ZNF804B: variants seen among roughly 807,000 people sequenced by gnomAD.
ZNF804B encodes the protein zinc finger protein 804B, also known as zinc finger 804B.
Under a neutral mutation model 101.4 loss-of-function variants are expected in ZNF804B, and 80 were observed. The observed-to-expected ratio is 0.79, with a 90% CI of 0.66 to 0.95. ZNF804B has a LOEUF of 0.95. Among genes scored for constraint, ZNF804B ranks in the 40% least tolerant of loss-of-function variants. ZNF804B has a pLI of 0.00. For missense variants in ZNF804B, 1,673 were observed against 1,561.9 expected, an observed-to-expected ratio of 1.07 and a Z score of -1.20; for synonymous variants, 622 against 558.8, an observed-to-expected ratio of 1.11 and a Z score of -1.59.
At chr7:88,871,813 C>A (rs1343837849) in intron 1 of ZNF804B, among the ~76,000 whole-genome samples, 2 of 151,884 alleles carry the variant, frequency 1.3e-5, no homozygotes, top group Non-Finnish European at 2.9e-5. Flanking sequence ...TAAAAAAATA[C>A]AAAAGTTAGC....
At chr7:88,906,246 A>G (rs960652536) in intron 1 of ZNF804B, among the ~76,000 whole-genome samples, 1 of 151,778 alleles carries the variant, frequency 6.6e-6, no homozygotes, top group Non-Finnish European at 1.5e-5. Context: ...GTGAATTTTT[A>G]CATCTCAATT....
In ZNF804B at chr7:88,900,290, G is replaced by A. The variant is rs188887090; in HGVS notation, c.108+140206G>A. ...CTAGGATTTTTAAAAATTGGCAATC[G>A]TTACACATGATGAACTATTCAGACC... On this transcript the variant is annotated intron_variant, in intron 1 of 3. Transcript: ENST00000333190. 4.0e-5 allele frequency among the ~76,000 whole-genome samples: 6 copies of A among 151,748 alleles called. No individual in the cohort carries two copies. The South Asian group carries it at 8.3e-4, about 21-fold the overall frequency.
chr7:88,833,285 A>T (rs1791160183), intron 1 of ZNF804B, among the ~76,000 whole-genome samples: 1 of 151,974 alleles, frequency 6.6e-6, no homozygotes, highest in East Asian at 1.9e-4. Flanking sequence ...ATATTTGAGG[A>T]TGCAATCTCA....
chr7:88,822,243 T>A (rs1790993490), intron 1 of ZNF804B, among the ~76,000 whole-genome samples: 1 of 152,198 alleles, frequency 6.6e-6, no homozygotes, highest in Non-Finnish European at 1.5e-5. Context: ...AGAATTTTTT[T>A]AAGTGAGAAC....
chr7:88,996,992 G>A (rs149420560), intron 1 of ZNF804B, among the ~76,000 whole-genome samples: 1 of 152,222 alleles, frequency 6.6e-6, no homozygotes, highest in Non-Finnish European at 1.5e-5. Context: ...GTGTATGTGT[G>A]TGTGTATAAA....
At chr7:89,212,445 T>C (rs529386442) in intron 1 of ZNF804B, among the ~76,000 whole-genome samples, 1 of 152,266 alleles carries the variant, frequency 6.6e-6, no homozygotes, top group South Asian at 2.1e-4. Context: ...CTTGTGCACA[T>C]GGGAGATAAC....
chr7:88,764,533 A>G (rs1481944208), intron 1 of ZNF804B, among the ~76,000 whole-genome samples: 3 of 152,266 alleles, frequency 2.0e-5, no homozygotes, highest in East Asian at 3.9e-4. Context: ...AAATGGACCA[A>G]CAATCTGCTA....
At chr7:89,210,145 CA>C (rs35071660) in intron 1 of ZNF804B, among the ~76,000 whole-genome samples, 2,376 of 128,878 alleles carry the variant, frequency 0.018, 60 homozygotes, top group African/African-American at 0.057. Flanking sequence ...GACTTCATAT[CA>C]AAAAAAAAAA....
intron 1 of ZNF804B, among the ~76,000 whole-genome samples, chr7:88,866,995 C>G (rs1318004074): frequency 6.6e-6 from 1 of 152,120 alleles, no homozygotes; most frequent in African/African-American, 2.4e-5. Flanking sequence ...ATGGGCACAA[C>G]AGAATTGTGT....
chr7:88,786,592 A>T (rs1156229065), intron 1 of ZNF804B, among the ~76,000 whole-genome samples: 1 of 152,036 alleles, frequency 6.6e-6, no homozygotes, highest in African/African-American at 2.4e-5. Flanking sequence ...GGAGTTCCTC[A>T]CTTATATCAG....
intron 1 of ZNF804B, among the ~76,000 whole-genome samples, chr7:89,136,342 T>A (rs1790634089): frequency 6.6e-6 from 1 of 152,120 alleles, no homozygotes; most frequent in Non-Finnish European, 1.5e-5. Context: ...GGGGTCTCAA[T>A]TTCTTTACTG....
intron 2 of ZNF804B, among the ~76,000 whole-genome samples, chr7:89,271,051 C>A (rs961954493): frequency 6.6e-6 from 1 of 152,074 alleles, no homozygotes; most frequent in Non-Finnish European, 1.5e-5. Context: ...AATTGAATAC[C>A]CTTTATTTCT....
At chr7:88,934,561 C>A (rs1216054680) in intron 1 of ZNF804B, among the ~76,000 whole-genome samples, 1 of 151,656 alleles carries the variant, frequency 6.6e-6, no homozygotes, top group African/African-American at 2.4e-5. Flanking sequence ...AAAAAATAAT[C>A]CCATCAAACA....
chr7:89,037,749 G>T lies in ZNF804B; in HGVS notation c.109-180406G>T, dbSNP rs563477162. 1.8e-4 allele frequency among the ~76,000 whole-genome samples: 27 copies of T among 152,068 alleles called. No homozygotes were observed. The South Asian group carries it at 5.6e-3, about 32-fold the overall frequency. ...CACCATGCTATATATTAGATCTCCAGAATTTGTTCATCCTGCCTAACTGGA... is the reference window on the plus strand; with the variant it reads ...CACCATGCTATATATTAGATCTCCATAATTTGTTCATCCTGCCTAACTGGA... On this transcript the variant is annotated intron_variant, in intron 1 of 3. Coordinates refer to ENST00000333190, the MANE Select transcript of ZNF804B (RefSeq NM_181646.5).
chr7:89,290,522 C>T (rs551156073), intron 2 of ZNF804B, among the ~76,000 whole-genome samples: 1 of 152,268 alleles, frequency 6.6e-6, no homozygotes, highest in South Asian at 2.1e-4. Context: ...GCAGTATTCA[C>T]CACAAGCTGA....
chr7:88,955,306 A>C (rs1436685714), intron 1 of ZNF804B, among the ~76,000 whole-genome samples: 1 of 151,424 alleles, frequency 6.6e-6, no homozygotes, highest in Non-Finnish European at 1.5e-5. Context: ...AGTAGCTAAA[A>C]TTTCTCCTTA....
chr7:89,196,934 A>G (rs1210864787), intron 1 of ZNF804B, among the ~76,000 whole-genome samples: 3 of 152,018 alleles, frequency 2.0e-5, no homozygotes, highest in Non-Finnish European at 4.4e-5. Context: ...TCTCACGCCA[A>G]TCAGAATGGC....
At chr7:89,171,511 T>C (rs937733517) in intron 1 of ZNF804B, among the ~76,000 whole-genome samples, 2 of 151,880 alleles carry the variant, frequency 1.3e-5, no homozygotes, top group Admixed American at 6.6e-5. Flanking sequence ...CTTAGCTCAC[T>C]GCAATCTCTG....
At chr7:89,151,114 G>A (rs558539039) in intron 1 of ZNF804B, among the ~76,000 whole-genome samples, 20 of 151,990 alleles carry the variant, frequency 1.3e-4, no homozygotes, top group Middle Eastern at 3.4e-3. Context: ...GAAATCAAAC[G>A]GTTAGATTAT....
Sources: gnomAD v4.1 joint callset for allele counts (sites outside exome capture counted in the v4.1 genomes callset) on GRCh38, gnomAD v4.1.1 for gene constraint, MANE v1.5 for transcripts, NCBI Gene and HGNC (gene_info 2026-07-23, HGNC 2026-07-21) for gene names.